Variants in SLC14A2 observed in about 807,000 individuals in gnomAD.
SLC14A2 encodes the protein urea transporter 2.
Under a neutral mutation model 104.6 loss-of-function variants are expected in SLC14A2, and 91 were observed. The observed-to-expected ratio is 0.87, with a 90% confidence interval of 0.73 to 1.04. SLC14A2 has a LOEUF of 1.04. Among genes scored for constraint, SLC14A2 ranks in the 50% least tolerant of loss-of-function variants. SLC14A2 has a pLI of 0.00. For synonymous variants in SLC14A2, 476 were observed against 466.4 expected (o/e 1.02, Z -0.27); for missense variants, 1,189 against 1,156.0 (o/e 1.03, Z -0.41).
Position 45,644,177 on chromosome 18 carries a change from G to C in SLC14A2, c.1351+17G>C, listed in dbSNP as rs771483998. The stretch of plus-strand genomic sequence containing the variant: ...CCCCCAGCGGTGAATAGCCATGTTC[G>C]GGGAAGAAACGCTCTTTGCCTGACC... On this transcript the variant is annotated intron_variant, in intron 10 of 19. Coordinates refer to ENST00000255226, the MANE Select transcript of SLC14A2 (RefSeq NM_007163.4). The C allele has an allele frequency of 6.2e-7, 1 of 1,613,242 alleles. No homozygotes were observed. The highest frequency in any genetic ancestry group is 1.1e-5 in the South Asian group (1 of 90,974).
At chr18:45,199,488 A>G in the SLC14A2 span, among the ~76,000 whole-genome samples, 1 of 152,054 alleles carries the variant, frequency 6.6e-6, no homozygotes, top group African/African-American at 2.4e-5. Context: ...AATTTCATTA[A>G]TTGTGTCAGC....
At chr18:45,605,230 A>G (rs2044849799) in intron 2 of SLC14A2, among the ~76,000 whole-genome samples, 1 of 152,196 alleles carries the variant, frequency 6.6e-6, no homozygotes, top group Non-Finnish European at 1.5e-5. Context: ...CAGGCTAGTA[A>G]AGCTTGATTT....
intron 1 of SLC14A2, among the ~76,000 whole-genome samples, chr18:45,620,025 G>A (rs2045138628): frequency 6.6e-6 from 1 of 152,246 alleles, no homozygotes; most frequent in Admixed American, 6.5e-5. Context: ...CCTTCCGGAT[G>A]CGGAGACTTG....
intron 1 of SLC14A2, among the ~76,000 whole-genome samples, chr18:45,368,238 C>T (rs1055355014): frequency 1.3e-5 from 2 of 152,136 alleles, no homozygotes; most frequent in African/African-American, 4.8e-5. Flanking sequence ...CCCACACTTA[C>T]AGTTAATTTC....
intron 2 of SLC14A2, among the ~76,000 whole-genome samples, chr18:45,602,008 CCTT>C (rs956467478): frequency 1.3e-5 from 2 of 152,204 alleles, no homozygotes; most frequent in African/African-American, 2.4e-5. Context: ...CCAGGGGTCT[CCTT>C]CTTTCTGGGA....
chr18:45,247,105 CCACCCTGA>C (rs992260658), intron 1 of SLC14A2, among the ~76,000 whole-genome samples: 5 of 151,992 alleles, frequency 3.3e-5, no homozygotes, highest in African/African-American at 1.2e-4. Flanking sequence ...TAGGTTCTTC[CCACCCTGA>C]CACCCTCTAG....
intron 1 of SLC14A2, among the ~76,000 whole-genome samples, chr18:45,372,179 G>A (rs146700588): frequency 0.016 from 2,381 of 152,162 alleles, 51 homozygotes; most frequent in African/African-American, 0.052. Flanking sequence ...AGGAATGGTG[G>A]CACTTGCCTG....
Position 45,277,472 on chromosome 18 carries a change from GATCATAGCTCACTGC to G in SLC14A2, c.-125+64285_-125+64299del, listed in dbSNP as rs571725695. ...ATTGAAGGCTGAAGCGCAGTGGTGC[GATCATAGCTCACTGC>G]ATCCACCAACTCCTGGGCTCAAGCG... On this transcript the variant is annotated intron_variant, in intron 1 of 20. Transcript: ENST00000586448. Among the ~76,000 whole-genome samples, 136 of 152,078 alleles carry G rather than the reference GATCATAGCTCACTGC, an allele frequency of 8.9e-4. 3 individuals carry two copies. The South Asian group carries it at 0.026, about 30-fold the overall frequency.
intron 2 of SLC14A2, among the ~76,000 whole-genome samples, chr18:45,594,452 C>A (rs1237327678): frequency 6.6e-6 from 1 of 152,208 alleles, no homozygotes; most frequent in Non-Finnish European, 1.5e-5. Flanking sequence ...CTTCAATGAT[C>A]ACCTGCCAAG....
intron 1 of SLC14A2, among the ~76,000 whole-genome samples, chr18:45,616,488 G>A (rs1197301984): frequency 6.6e-6 from 1 of 152,144 alleles, no homozygotes; most frequent in East Asian, 1.9e-4. Flanking sequence ...ACTCAGACAT[G>A]GAGCACCTCA....
chr18:45,516,654 A>G (rs1352532607), intron 2 of SLC14A2, among the ~76,000 whole-genome samples: 1 of 152,098 alleles, frequency 6.6e-6, no homozygotes, highest in Non-Finnish European at 1.5e-5. Flanking sequence ...AAAATTAGAA[A>G]CCCACTGGCC....
At chr18:45,677,120 T>C (rs1436746866) in intron 18 of SLC14A2, among the ~76,000 whole-genome samples, 1 of 152,244 alleles carries the variant, frequency 6.6e-6, no homozygotes, top group Non-Finnish European at 1.5e-5. Flanking sequence ...TTTCGTCTTC[T>C]TTCTTCTATC....
At chr18:45,541,609 A>G (rs908134820) in intron 2 of SLC14A2, among the ~76,000 whole-genome samples, 9 of 152,244 alleles carry the variant, frequency 5.9e-5, no homozygotes, top group Non-Finnish European at 1.0e-4. Context: ...TGTAACTAGG[A>G]AGATATCATT....
intron 1 of SLC14A2, among the ~76,000 whole-genome samples, chr18:45,306,548 T>G (rs974755639): frequency 6.6e-6 from 1 of 152,210 alleles, no homozygotes; most frequent in Non-Finnish European, 1.5e-5. Flanking sequence ...TTTAATTTCA[T>G]ATAATTTTCA....
At chr18:45,285,672 C>CG (rs1555672111) in intron 1 of SLC14A2, among the ~76,000 whole-genome samples, 2 of 143,268 alleles carry the variant, frequency 1.4e-5, no homozygotes, top group Admixed American at 6.9e-5. Flanking sequence ...CCCCCCCCCC[C>CG]CCTCGGCCTC....
rs913682614 is a variant in SLC14A2 at position 45,650,571 on chromosome 18, T to C, written c.1351+6411T>C. On this transcript the variant is annotated intron_variant, in intron 10 of 19. Coordinates refer to ENST00000255226, the MANE Select transcript of SLC14A2 (RefSeq NM_007163.4). Reference sequence around the variant, plus strand: ...TTAATGTGTTACTCAGGCCCCAGGATTGACAACAAACCAGGAAAGAATCAG... The same window carrying C: ...TTAATGTGTTACTCAGGCCCCAGGACTGACAACAAACCAGGAAAGAATCAG... Among the ~76,000 whole-genome samples, 5 of 152,310 alleles carry C rather than the reference T, an allele frequency of 3.3e-5. 1 individual carries two copies. Among genetic ancestry groups the C allele is most frequent in the Admixed American group, 6.5e-5 (1 of 15,296 alleles).
the SLC14A2 span, among the ~76,000 whole-genome samples, chr18:45,173,607 G>C: frequency 1.3e-5 from 2 of 152,076 alleles, no homozygotes; most frequent in Non-Finnish European, 2.9e-5. Context: ...CTAGTGAAGA[G>C]GCCAATAAGT....
At chr18:45,602,508 G>A (rs892214035) in intron 2 of SLC14A2, among the ~76,000 whole-genome samples, 4 of 152,206 alleles carry the variant, frequency 2.6e-5, no homozygotes, top group African/African-American at 9.7e-5. Context: ...CTCACCCCAA[G>A]GGTGGAGTTA....
intron 1 of SLC14A2, among the ~76,000 whole-genome samples, chr18:45,243,821 C>A (rs902666382): frequency 5.9e-5 from 9 of 152,134 alleles, no homozygotes; most frequent in Non-Finnish European, 7.3e-5. Flanking sequence ...CATTAATTGT[C>A]AGAATTCCCC....
Sources: gnomAD v4.1 joint callset for allele counts (sites outside exome capture counted in the v4.1 genomes callset) on GRCh38, gnomAD v4.1.1 for gene constraint, MANE v1.5 for transcripts, NCBI Gene and HGNC (gene_info 2026-07-23, HGNC 2026-07-21) for gene names.